Variants in ZNF286A observed in about 807,000 individuals in gnomAD.
ZNF286A encodes zinc finger protein ZNF286.
ZNF286A carries 34 observed loss-of-function variants against 49.3 expected under a neutral mutation model. The ratio of observed to expected loss-of-function variants is 0.69; its 90% CI spans 0.52 to 0.92. The LOEUF is 0.92. ZNF286A is among the 40% of genes least tolerant of loss of function. The probability of loss-of-function intolerance (pLI) is 0.00; values close to 1 mark genes in which losing one functional copy is unlikely to be tolerated. For synonymous variants in ZNF286A, 155 were observed against 200.4 expected (o/e 0.77, Z 1.91); for missense variants, 462 against 600.2 (o/e 0.77, Z 2.41).
chr17:15,716,211 G>C lies in ZNF286A; in HGVS notation c.487G>C (p.Glu163Gln). 1 of 1,613,882 alleles carries C rather than the reference G, an allele frequency of 6.2e-7. No homozygotes were observed. The highest frequency in any genetic ancestry group is 2.2e-5 in the East Asian group (1 of 44,874). The change falls in exon 6 of 6, where the codon GAG (glutamate) becomes CAG (glutamine). Residue 163 changes from glutamate to glutamine, a missense_variant. By Grantham distance (29) the Glu-to-Gln change is conservative. Around this residue, in one of 3 missense-constraint regions of ZNF286A, gnomAD observed 259 missense variants for 272.2 expected, o/e 0.95. Coordinates refer to ENST00000583566, the MANE Select transcript of ZNF286A (RefSeq NM_001130842.2). ...AGCCCTTGAATGTGAAAATTGGTTA[G>C]AGAATCAGCAAGGAAATCAGGAGAG... ...EAALECENWLENQQGNQERHL... is the reference protein window; with the variant it reads ...EAALECENWLQNQQGNQERHL...
intron 5 of ZNF286A, chr17:15,708,452 GCTT>G (rs1262059677): frequency 7.6e-6 from 3 of 392,924 alleles, no homozygotes; most frequent in Non-Finnish European, 1.3e-5. Flanking sequence ...CTAATATTTT[GCTT>G]CGTTTGCCTC....
intron 5 of ZNF286A, among the ~76,000 whole-genome samples, chr17:15,710,974 C>T (rs1302819351): frequency 1.5e-4 from 22 of 151,460 alleles, no homozygotes; most frequent in Non-Finnish European, 1.5e-4. Context: ...TGCAGTGGCA[C>T]GATCTTGGCT....
intron 4 of ZNF286A, among the ~76,000 whole-genome samples, chr17:15,707,222 C>CCT (rs1567706528): frequency 6.6e-6 from 1 of 152,042 alleles, no homozygotes; most frequent in African/African-American, 2.4e-5. Flanking sequence ...GGGTGGATCA[C>CCT]GAGGTCAGGA....
At chr17:15,715,001 T>C (rs1442080067) in intron 5 of ZNF286A, among the ~76,000 whole-genome samples, 1 of 152,070 alleles carries the variant, frequency 6.6e-6, no homozygotes, top group Non-Finnish European at 1.5e-5. Context: ...TATTTCTGTA[T>C]TTGCTCTTCT....
intron 3 of ZNF286A, chr17:15,704,378 T>A: frequency 1.2e-6 from 2 of 1,609,872 alleles, no homozygotes; most frequent in Non-Finnish European, 1.7e-6. Flanking sequence ...GAAGCTGCAG[T>A]GCCACTGGCC....
intron 3 of ZNF286A, among the ~76,000 whole-genome samples, chr17:15,702,286 G>A (rs1178153762): frequency 1.3e-5 from 2 of 152,052 alleles, no homozygotes; most frequent in African/African-American, 4.8e-5. Context: ...AGGCTGAGGC[G>A]GGCAGATCAC....
chr17:15,706,287 T>G, intron 3 of ZNF286A, 100 bp from the exon 4 acceptor site: 1 of 848,376 alleles, frequency 1.2e-6, no homozygotes. Flanking sequence ...GTTCCCCTCT[T>G]AAGTGCATCT....
rs1967254698 is a variant in ZNF286A at position 15,719,263 on chromosome 17, C to T, written c.*1973C>T. 1 of 132,666 alleles carries T rather than the reference C, an allele frequency of 7.5e-6. No homozygotes were observed. Among genetic ancestry groups the T allele is most frequent in the African/African-American group, 2.9e-5 (1 of 34,204 alleles). The allele number at this position is 132,666 out of a possible 1,614,324, so 8.2% of individuals were successfully genotyped here. A position where few individuals can be genotyped will look rare whatever the true frequency, so the allele number is the denominator to read the frequency against. ...ACAAACTGTGGCCTGGACTCATGGA[C>T]CAACTCTGGCCCACCACCTGTTTCT... On this transcript the variant is annotated 3_prime_UTR_variant, in exon 6 of 6. Coordinates refer to ENST00000583566, the MANE Select transcript of ZNF286A (RefSeq NM_001130842.2).
chr17:15,709,387 G>A (rs571075238), intron 5 of ZNF286A, among the ~76,000 whole-genome samples: 3 of 151,538 alleles, frequency 2.0e-5, no homozygotes, highest in African/African-American at 7.3e-5. Context: ...AGCTACTTGG[G>A]AGGCTGAGGC....
intron 5 of ZNF286A, among the ~76,000 whole-genome samples, chr17:15,714,196 TA>T (rs1375713246): frequency 1.4e-5 from 2 of 141,296 alleles, no homozygotes; most frequent in African/African-American, 5.4e-5. Flanking sequence ...TTTTTTTTTT[TA>T]AACCAAGAGT....
chr17:15,704,968 C>A (rs981799472), intron 3 of ZNF286A: 6 of 1,279,598 alleles, frequency 4.7e-6, no homozygotes, highest in Non-Finnish European at 6.3e-6. Context: ...CCGGCCGGGG[C>A]GGGGGCCCAA....
chr17:15,704,424 G>A, intron 3 of ZNF286A: 4 of 1,607,514 alleles, frequency 2.5e-6, no homozygotes, highest in East Asian at 4.5e-5. Context: ...CGCTGGGCCC[G>A]CCGGCGCCCC....
At chr17:15,708,900 T>G (rs1453975375) in intron 5 of ZNF286A, among the ~76,000 whole-genome samples, 1 of 152,264 alleles carries the variant, frequency 6.6e-6, no homozygotes, top group Non-Finnish European at 1.5e-5. Context: ...TGCCACTATG[T>G]ACACTTTTTA....
At chr17:15,713,059 G>C (rs1344552434) in intron 5 of ZNF286A, among the ~76,000 whole-genome samples, 1 of 152,130 alleles carries the variant, frequency 6.6e-6, no homozygotes, top group Non-Finnish European at 1.5e-5. Context: ...TATACTACAA[G>C]TTAAAACAGA....
At position 15,719,815 on chromosome 17, in the gene ZNF286A, C is replaced by T. The variant is rs889556370; in HGVS notation, c.*2525C>T. ...CCCTGTTCCAGAGCATTCATCAAGT[C>T]AGATAAAGGGTTTAAACCAGTCAGA... On this transcript the variant is annotated 3_prime_UTR_variant, in exon 6 of 6. Coordinates refer to ENST00000583566, the MANE Select transcript of ZNF286A (RefSeq NM_001130842.2). The T allele has an allele frequency of 1.3e-5, 2 of 152,044 alleles. No individual in the cohort carries two copies. The highest frequency in any genetic ancestry group is 4.8e-5 in the African/African-American group (2 of 41,380). The allele number at this position is 152,044 out of a possible 1,614,324, so 9.4% of individuals were successfully genotyped here. A position where few individuals can be genotyped will look rare whatever the true frequency, so the allele number is the denominator to read the frequency against.
At chr17:15,708,090 C>T (rs1990372710) in intron 4 of ZNF286A, 65 bp from the exon 5 acceptor site, 2 of 1,204,686 alleles carry the variant, frequency 1.7e-6, no homozygotes, top group Non-Finnish European at 2.2e-6. Flanking sequence ...TTGAAGAAAA[C>T]TTCCACAAAT....
rs1477364247 is a variant in ZNF286A at position 15,704,434 on chromosome 17, C to G, written c.127-1953C>G. On this transcript the variant is annotated intron_variant, in intron 3 of 5. Transcript: ENST00000583566. ...CCTGCCGCTGGGCCCGCCGGCGCCC[C>G]CGTGGATCTCTGTGAGCAGACGGGC... 5 of 1,609,536 alleles carry G rather than the reference C, an allele frequency of 3.1e-6. No individual in the cohort carries two copies. In the Admixed American group the frequency reaches 6.7e-5, roughly 22 times the overall value.
chr17:15,717,273 A>C lies in ZNF286A; in HGVS notation c.1549A>C (p.Thr517Pro), dbSNP rs1283205177. 2 of 1,588,268 alleles carry C rather than the reference A, an allele frequency of 1.3e-6. No individual in the cohort carries two copies. Reference sequence around the variant, plus strand: ...TCTCATCAGACATCAAAGAGTTCACACTGAAGAGCAACCCTGAAAAATTAC... The same window carrying C: ...TCTCATCAGACATCAAAGAGTTCACCCTGAAGAGCAACCCTGAAAAATTAC... ...SSLIRHQRVHTEEQP is the reference protein window; with the variant it reads ...SSLIRHQRVHPEEQP Residue 517 changes from threonine to proline, a missense_variant, in exon 6 of 6, where the codon ACT becomes CCT. By Grantham distance (38) the Thr-to-Pro change is conservative. Transcript: ENST00000583566.
Position 15,718,645 on chromosome 17 carries a change from C to G in ZNF286A, c.*1355C>G, listed in dbSNP as rs1311178170. 4 of 151,418 alleles carry G rather than the reference C, an allele frequency of 2.6e-5. No homozygotes were observed. Among genetic ancestry groups the G allele is most frequent in the Non-Finnish European group, 4.4e-5 (3 of 67,958 alleles). 9.4% of individuals were successfully genotyped at this position (151,418 alleles called of 1,614,324 possible). On this transcript the variant is annotated 3_prime_UTR_variant, in exon 6 of 6. Transcript: ENST00000583566. ...AAATAGCTCACAGGATAGTCCTCAA[C>G]TGACTTGCTTGAGGATAAGCAGCTT...
Sources: allele counts gnomAD v4.1 joint callset (sites outside exome capture counted in the v4.1 genomes callset), GRCh38; gene constraint gnomAD v4.1.1; regional missense constraint gnomAD v4.1.1; transcripts MANE v1.5; gene names NCBI Gene and HGNC (gene_info 2026-07-23, HGNC 2026-07-21).